The following PTPRD variants were observed in gnomAD, a reference collection of about 807,000 sequenced individuals.
PTPRD encodes protein tyrosine phosphatase receptor type D.
In PTPRD, 34 loss-of-function variants were observed where a neutral mutation model predicts 214.5. The observed-to-expected ratio is 0.16, with a 90% CI of 0.12 to 0.21. The LOEUF (loss-of-function observed/expected upper bound fraction) is 0.21, where lower values mean the gene tolerates loss of function less well. Ranked by LOEUF, PTPRD falls within the 10% of genes least tolerant of loss-of-function variation. The pLI, the probability that PTPRD is intolerant of heterozygous loss-of-function variation, is 1.00. For missense variants in PTPRD, 2,545 were observed against 2,398.7 expected (o/e 1.06, Z -1.27); for synonymous variants, 1,128 against 845.7 (o/e 1.33, Z -5.79).
At chr9:10,175,584 A>T (rs980555236) in intron 3 of PTPRD, among the ~76,000 whole-genome samples, 2 of 152,062 alleles carry the variant, frequency 1.3e-5, no homozygotes, top group East Asian at 3.9e-4. Flanking sequence ...AAACCTTGCA[A>T]TCCCTTAACA....
chr9:9,184,632 G>A (rs567627987), intron 9 of PTPRD, among the ~76,000 whole-genome samples: 6 of 152,144 alleles, frequency 3.9e-5, no homozygotes, highest in African/African-American at 1.2e-4. Flanking sequence ...CATTAAAAGG[G>A]TGGGTGTTTA....
intron 8 of PTPRD, among the ~76,000 whole-genome samples, chr9:9,463,270 TG>T (rs1367472114): frequency 6.6e-6 from 1 of 152,094 alleles, no homozygotes; most frequent in African/African-American, 2.4e-5. Context: ...AGTTTAAATT[TG>T]GAAAGATAAA....
chr9:10,522,085 T>C (rs947872871), intron 2 of PTPRD, among the ~76,000 whole-genome samples: 18 of 152,064 alleles, frequency 1.2e-4, no homozygotes, highest in African/African-American at 3.6e-4. Context: ...ACAGGGAGAT[T>C]AGGTGTGAAG....
At chr9:8,478,317 T>TA (rs2096807401) in intron 30 of PTPRD, among the ~76,000 whole-genome samples, 1 of 152,174 alleles carries the variant, frequency 6.6e-6, no homozygotes, top group African/African-American at 2.4e-5. Flanking sequence ...ACACAAATCT[T>TA]ATGAAGCAAC....
intron 5 of PTPRD, among the ~76,000 whole-genome samples, chr9:9,782,189 A>T (rs1401742746): frequency 6.6e-6 from 1 of 151,994 alleles, no homozygotes; most frequent in Non-Finnish European, 1.5e-5. Context: ...TCCTACAGTC[A>T]TCTCAACACA....
intron 14 of PTPRD, among the ~76,000 whole-genome samples, chr9:8,626,482 G>A (rs1028164778): frequency 1.3e-5 from 2 of 151,770 alleles, no homozygotes; most frequent in South Asian, 2.1e-4. Context: ...TTAATTGTAC[G>A]TGTCACTTGA....
chr9:8,585,926 ATCAG>A (rs1348502253), intron 14 of PTPRD, among the ~76,000 whole-genome samples: 11 of 152,222 alleles, frequency 7.2e-5, no homozygotes, highest in Non-Finnish European at 1.3e-4. Flanking sequence ...TGATTGTGCC[ATCAG>A]TCAAAGATTA....
intron 12 of PTPRD, chr9:8,701,694 T>C (rs1164501609): frequency 6.6e-6 from 1 of 152,208 alleles, no homozygotes; most frequent in Non-Finnish European, 1.5e-5. Context: ...CATACTGCTC[T>C]TCCTTTGTCA....
chr9:10,357,601 G>A (rs2097301944), intron 2 of PTPRD, among the ~76,000 whole-genome samples: 1 of 152,140 alleles, frequency 6.6e-6, no homozygotes, highest in Non-Finnish European at 1.5e-5. Flanking sequence ...TTTAATATTA[G>A]CATTATTATA....
At chr9:8,845,162 T>G (rs2097662886) in intron 11 of PTPRD, among the ~76,000 whole-genome samples, 1 of 126,472 alleles carries the variant, frequency 7.9e-6, no homozygotes, top group African/African-American at 3.4e-5. Context: ...CTAAAATCCT[T>G]GCAGGAAAAA....
chr9:8,777,735 C>G lies in PTPRD; in HGVS notation c.-103-43789G>C, dbSNP rs541401055. Among the ~76,000 whole-genome samples the G allele has an allele frequency of 2.0e-5, 3 of 152,206 alleles. No homozygotes were observed. In the East Asian group the frequency reaches 5.8e-4, roughly 29 times the overall value. On this transcript the variant is annotated intron_variant, in intron 11 of 45. Coordinates refer to ENST00000381196, the MANE Select transcript of PTPRD (RefSeq NM_002839.4). ...GTCATATATTAAATTGAATTGAAAGCCTTATTTACTGTACTTCCTGATTTA... is the reference window on the plus strand; with the variant it reads ...GTCATATATTAAATTGAATTGAAAGGCTTATTTACTGTACTTCCTGATTTA...
intron 10 of PTPRD, among the ~76,000 whole-genome samples, chr9:9,079,539 T>C (rs1179533515): frequency 6.6e-6 from 1 of 152,094 alleles, no homozygotes; most frequent in Non-Finnish European, 1.5e-5. Flanking sequence ...GGACAATATG[T>C]AGTTGCATTT....
At chr9:9,548,381 T>C (rs532662991) in intron 8 of PTPRD, among the ~76,000 whole-genome samples, 11 of 151,522 alleles carry the variant, frequency 7.3e-5, no homozygotes, top group Admixed American at 3.3e-4. Context: ...TTCAATTACT[T>C]GCTACGTATA....
chr9:10,148,567 G>T (rs1044306697), intron 3 of PTPRD, among the ~76,000 whole-genome samples: 5 of 152,146 alleles, frequency 3.3e-5, no homozygotes, highest in Non-Finnish European at 7.4e-5. Flanking sequence ...ACTGATTCAA[G>T]GAAGAGGTCA....
At chr9:9,748,290 T>G (rs910071381) in intron 6 of PTPRD, among the ~76,000 whole-genome samples, 2 of 152,232 alleles carry the variant, frequency 1.3e-5, no homozygotes, top group African/African-American at 4.8e-5. Flanking sequence ...CTAAAATCTT[T>G]GCATATTTGC....
At chr9:8,910,490 T>C (rs1432974894) in intron 11 of PTPRD, among the ~76,000 whole-genome samples, 1 of 152,110 alleles carries the variant, frequency 6.6e-6, no homozygotes, top group East Asian at 1.9e-4. Flanking sequence ...GTGGAACTGG[T>C]GGCTTTACAA....
At chr9:8,502,644 T>A (rs1027767880) in intron 23 of PTPRD, among the ~76,000 whole-genome samples, 2 of 152,090 alleles carry the variant, frequency 1.3e-5, no homozygotes, top group Middle Eastern at 6.3e-3. Flanking sequence ...TTATTCATAA[T>A]AAATTGAGTT....
chr9:9,565,798 G>A lies in PTPRD; in HGVS notation c.-237+8934C>T, dbSNP rs55934818. Among the ~76,000 whole-genome samples, 1,300 of 151,908 alleles carry A rather than the reference G, an allele frequency of 8.6e-3. 18 individuals carry two copies. Among genetic ancestry groups the A allele is most frequent in the African/African-American group, 0.03 (1,229 of 41,496 alleles). On this transcript the variant is annotated intron_variant, in intron 8 of 45. Coordinates refer to ENST00000381196, the MANE Select transcript of PTPRD (RefSeq NM_002839.4). ...AAACAGAACATTAAACTTTGGCCCC[G>A]TTTCCTAGGATTTTGAAGAATTTAT... is the stretch of plus-strand genomic sequence containing the variant.
chr9:8,633,528 A>G (rs2154321251), intron 13 of PTPRD, 70 bp from the exon 14 acceptor site: 1 of 1,545,270 alleles, frequency 6.5e-7, no homozygotes, highest in Non-Finnish European at 8.8e-7. Flanking sequence ...AGCTCTCAAT[A>G]CAGTGGTGGA....
Sources: allele counts gnomAD v4.1 joint callset (sites outside exome capture counted in the v4.1 genomes callset), GRCh38; gene constraint gnomAD v4.1.1; transcripts MANE v1.5; gene names NCBI Gene and HGNC (gene_info 2026-07-23, HGNC 2026-07-21).